Variants in PGAP2 observed in about 807,000 individuals in gnomAD.
PGAP2 encodes acyltransferase PGAP2.
In PGAP2, 21 loss-of-function variants were observed where a neutral mutation model predicts 33.2. That is an observed-to-expected ratio of 0.63 (90% CI 0.45 to 0.91). PGAP2 has a LOEUF of 0.91. PGAP2 is among the 40% of genes least tolerant of loss of function. The pLI is 0.00. For synonymous variants in PGAP2, 161 were observed against 172.9 expected (o/e 0.93, Z 0.54); for missense variants, 345 against 424.0 (o/e 0.81, Z 1.64).
At chr11:3,822,233 G>A (rs1032954535) in intron 3 of PGAP2, among the ~76,000 whole-genome samples, 3 of 151,828 alleles carry the variant, frequency 2.0e-5, no homozygotes, top group East Asian at 1.9e-4. Context: ...GCGTGGTGAC[G>A]GGCGCCTGTA....
At chr11:3,822,115 AG>A (rs1565046092) in intron 3 of PGAP2, among the ~76,000 whole-genome samples, 1 of 152,082 alleles carries the variant, frequency 6.6e-6, no homozygotes, top group Non-Finnish European at 1.5e-5. Flanking sequence ...CTGTAATTCC[AG>A]CACTTTGGGA....
intron 1 of PGAP2, 35 bp downstream of exon 1, chr11:3,808,686 C>A (rs1289038797): frequency 1.8e-6 from 2 of 1,089,884 alleles, no homozygotes; most frequent in Non-Finnish European, 1.1e-6. Context: ...GGCTGCCGGG[C>A]AGCCCCACTC....
rs2085460959 is a variant in PGAP2, at chr11:3,811,089, C to T, written c.-10-161C>T. ...GTCTTGGGATTCTGAGTCAGTCTTC[C>T]TCATCCAGGGCAAGAGCTATCCAAG... is the stretch of plus-strand genomic sequence containing the variant. On this transcript the variant is annotated intron_variant, in intron 1 of 6. Coordinates refer to ENST00000278243, the MANE Select transcript of PGAP2 (RefSeq NM_014489.4). This position sits in a 1 kb window ranked among gnomAD's most constrained non-coding sequence, Gnocchi z 4.6. Among the ~76,000 whole-genome samples the T allele has an allele frequency of 6.6e-6, 1 of 152,158 alleles. No individual in the cohort carries two copies. Among genetic ancestry groups the T allele is most frequent in the Non-Finnish European group, 1.5e-5 (1 of 68,026 alleles).
Position 3,825,663 on chromosome 11 carries a change from T to A in PGAP2, c.*205T>A. On this transcript the variant is annotated 3_prime_UTR_variant, in exon 7 of 7. Transcript: ENST00000278243. ...CATATGGGCGTGGGGTCCTCAAACA[T>A]CACCTTTACCTGAGAGGCCCCAAGA... The A allele has an allele frequency of 2.5e-6, 1 of 406,782 alleles. No homozygotes were observed. Among genetic ancestry groups the A allele is most frequent in the Non-Finnish European group, 4.4e-6 (1 of 224,800 alleles). The allele number at this position is 406,782 out of a possible 1,614,324, so 25.2% of individuals were successfully genotyped here. A position where few individuals can be genotyped will look rare whatever the true frequency, so the allele number is the denominator to read the frequency against.
At chr11:3,805,086 T>C (rs1405787371), upstream of PGAP2, among the ~76,000 whole-genome samples, 1 of 144,070 alleles carries the variant, frequency 6.9e-6, no homozygotes, top group Non-Finnish European at 1.5e-5. Context: ...AATAAAGAGA[T>C]TTCAGAAAGG....
In PGAP2 at chr11:3,811,403, G is replaced by A; in HGVS notation, c.144G>A (p.Glu48=). ...GGTCCCTGCTCTTCCACTTCAAGGA[G>A]ACAACGGCCACACACTGTGGGGTAG... ...ILWSLLFHFK[E]TTATHCGATP... Residue 48 remains glutamate, a synonymous_variant, in exon 2 of 7, where the codon GAG becomes GAA. Transcript: ENST00000278243. The surrounding 1 kb of genome is among the most constrained non-coding windows in gnomAD (Gnocchi z 4.6). 1.2e-6 allele frequency: 2 copies of A among 1,614,020 alleles called. No individual in the cohort carries two copies. Among genetic ancestry groups the A allele is most frequent in the Non-Finnish European group, 1.7e-6 (2 of 1,179,918 alleles).
At position 3,811,032 on chromosome 11, in the gene PGAP2, T is replaced by C. The variant is rs957757819; in HGVS notation, c.-10-218T>C. ...TTTATCCTAGCACAGATTTGGTTCA[T>C]TGTCTTCCCTCTGAAATTGAGGTGG... On this transcript the variant is annotated intron_variant, in intron 1 of 6. Transcript: ENST00000278243. The surrounding 1 kb of genome is among the most constrained non-coding windows in gnomAD (Gnocchi z 4.6). 2.0e-5 allele frequency among the ~76,000 whole-genome samples: 3 copies of C among 152,212 alleles called. No individual in the cohort carries two copies. Among genetic ancestry groups the C allele is most frequent in the Admixed American group, 2.0e-4 (3 of 15,284 alleles).
chr11:3,819,031 A>G (rs2087837754), intron 3 of PGAP2, among the ~76,000 whole-genome samples: 1 of 152,120 alleles, frequency 6.6e-6, no homozygotes, highest in Non-Finnish European at 1.5e-5. Context: ...GGAAAGGGAC[A>G]TGATCAGATT....
intron 3 of PGAP2, among the ~76,000 whole-genome samples, chr11:3,822,308 G>A (rs1249381289): frequency 6.6e-6 from 1 of 152,126 alleles, no homozygotes; most frequent in African/African-American, 2.4e-5. Flanking sequence ...AGCTTGCAGT[G>A]AGCCAAGATC....
chr11:3,800,394 C>T (rs146444637), intron 1 of PGAP2, among the ~76,000 whole-genome samples: 254 of 152,304 alleles, frequency 1.7e-3, no homozygotes, highest in African/African-American at 5.7e-3. Context: ...TTATTTTCTT[C>T]AGTGGGGGAT....
At chr11:3,816,998 AC>A (rs2087188722) in intron 2 of PGAP2, among the ~76,000 whole-genome samples, 1 of 151,884 alleles carries the variant, frequency 6.6e-6, no homozygotes, top group African/African-American at 2.4e-5. Flanking sequence ...TAACCTTTCT[AC>A]CTCTGACCCT....
Position 3,800,811 on chromosome 11 carries a change from C to CAA in PGAP2, c.139+2848_139+2849dup, listed in dbSNP as rs1162584142. Among the ~76,000 whole-genome samples the CAA allele has an allele frequency of 4.8e-3, 319 of 67,040 alleles. 4 individuals carry two copies. The highest frequency in any genetic ancestry group is 0.019 in the African/African-American group (292 of 15,570). 44.0% of individuals were successfully genotyped at this position (67,040 alleles called of 152,430 possible). A position where few individuals can be genotyped will look rare whatever the true frequency, so the allele number is the denominator to read the frequency against. On this transcript the variant is annotated intron_variant, in intron 1 of 6. Transcript: ENST00000300730. ...TGGGCCACAGAGTGAGACTCCGTCT[C>CAA]AAAAAAAAAAAAAAAAAAAAGAAAT...
rs76256202 is a variant in PGAP2, at chr11:3,798,198, C to T, written c.139+216C>T. On this transcript the variant is annotated intron_variant, in intron 1 of 6. Transcript: ENST00000300730. ...ATGCTCGCCCCAGCACTTTCTTTCC[C>T]TCCCTGAATTTCTAGGATGGACATT... The T allele has an allele frequency of 2.7e-3, 3,447 of 1,261,246 alleles. 61 individuals carry two copies. In the African/African-American group the frequency reaches 0.041, roughly 15 times the overall value. 78.1% of individuals were successfully genotyped at this position (1,261,246 alleles called of 1,614,324 possible).
intron 1 of PGAP2, among the ~76,000 whole-genome samples, chr11:3,801,586 G>T (rs1442805340): frequency 5.7e-5 from 8 of 140,730 alleles, no homozygotes; most frequent in African/African-American, 1.8e-4. Context: ...AGCTTGCAGT[G>T]AGCAGAGATC....
upstream of PGAP2, chr11:3,807,942 C>T (rs1041000219): frequency 1.6e-5 from 11 of 691,328 alleles, no homozygotes; most frequent in African/African-American, 2.1e-4. Context: ...GGGATCAATC[C>T]TCTCATTGTG....
At chr11:3,816,720 G>T (rs1209086309) in intron 2 of PGAP2, among the ~76,000 whole-genome samples, 1 of 152,186 alleles carries the variant, frequency 6.6e-6, no homozygotes. Flanking sequence ...CCTGGGGGTG[G>T]AATGGCTGGC....
rs557130670 is a variant in PGAP2, at chr11:3,809,595, A to G, written c.-11+944A>G. Among the ~76,000 whole-genome samples, 238 of 152,258 alleles carry G rather than the reference A, an allele frequency of 1.6e-3. 4 individuals carry two copies. The highest frequency in any genetic ancestry group is 9.2e-4 in the Admixed American group (14 of 15,286). ...CTAGAGCTGCAGCCTTCAGGGAGGG[A>G]TACTGGGAGGGAAGACTAGTGCTAC... On this transcript the variant is annotated intron_variant, in intron 1 of 6. Transcript: ENST00000278243.
At chr11:3,825,295 C>G (rs1400123058) in intron 6 of PGAP2, 33 bp from the exon 7 acceptor site, 5 of 1,604,730 alleles carry the variant, frequency 3.1e-6, no homozygotes, top group Non-Finnish European at 3.4e-6. Context: ...GCTGGAAGTT[C>G]ACCATGTCCT....
At chr11:3,806,761 C>T (rs553239991), upstream of PGAP2, among the ~76,000 whole-genome samples, 148 of 152,192 alleles carry the variant, frequency 9.7e-4, no homozygotes, top group African/African-American at 3.5e-3. Context: ...GAGGCTCATG[C>T]CTGTAATCCC....
Sources: allele counts gnomAD v4.1 joint callset (sites outside exome capture counted in the v4.1 genomes callset), GRCh38; gene constraint gnomAD v4.1.1; non-coding constraint Gnocchi (gnomAD v3.1); transcripts MANE v1.5; gene names NCBI Gene and HGNC (gene_info 2026-07-23, HGNC 2026-07-21).